NAA16: variants seen among roughly 807,000 people sequenced by gnomAD.
NAA16 encodes NARG1-like protein.
In NAA16, 97 loss-of-function variants were observed where a neutral mutation model predicts 110.3. The ratio of observed to expected loss-of-function variants is 0.88; its 90% CI spans 0.75 to 1.04. The LOEUF (loss-of-function observed/expected upper bound fraction) is 1.04, where lower values mean the gene tolerates loss of function less well. NAA16 is among the 50% of genes least tolerant of loss of function. NAA16 has a pLI of 0.00. For missense variants in NAA16, 1,017 were observed against 1,005.1 expected, an observed-to-expected ratio of 1.01 and a Z score of -0.16; for synonymous variants, 372 against 330.6, an observed-to-expected ratio of 1.13 and a Z score of -1.36.
chr13:41,335,495 A>G (rs2042356250), intron 8 of NAA16, among the ~76,000 whole-genome samples: 1 of 152,210 alleles, frequency 6.6e-6, no homozygotes, highest in African/African-American at 2.4e-5. Flanking sequence ...ATTACTGGAA[A>G]GGTTCGGTCT....
chr13:41,374,610 G>T (rs902137191), intron 18 of NAA16, 132 bp from the exon 19 acceptor site: 2 of 588,436 alleles, frequency 3.4e-6, no homozygotes, highest in Non-Finnish European at 6.0e-6. Flanking sequence ...GCTCTCTTGA[G>T]CTGGTAGGAG....
chr13:41,358,278 ATAATT>A lies in NAA16; in HGVS notation c.1088-21_1088-17del, dbSNP rs745372812. The A allele has an allele frequency of 1.0e-4, 165 of 1,580,994 alleles. 4 individuals carry two copies. In the South Asian group the frequency reaches 1.8e-3, roughly 18 times the overall value. On this transcript the variant is annotated intron_variant, in intron 10 of 19. Transcript: ENST00000379406. ...TGATTTGCTTTACATTCTTTCTATA[ATAATT>A]TAATATTTGTTTGATTGCAGAGAAT...
intron 4 of NAA16, 134 bp from the exon 5 acceptor site, chr13:41,322,922 T>A: frequency 1.2e-6 from 1 of 825,500 alleles, no homozygotes; most frequent in Non-Finnish European, 2.0e-6. Flanking sequence ...ACATAAAAAG[T>A]ACTTCTATTT....
At chr13:41,315,002 A>T (rs2041770390) in intron 1 of NAA16, among the ~76,000 whole-genome samples, 1 of 152,156 alleles carries the variant, frequency 6.6e-6, no homozygotes, top group Non-Finnish European at 1.5e-5. Context: ...TAAAAAATAA[A>T]TAAGAAAGAT....
chr13:41,322,383 A>G (rs1387292824), intron 4 of NAA16, among the ~76,000 whole-genome samples: 1 of 152,164 alleles, frequency 6.6e-6, no homozygotes, highest in African/African-American at 2.4e-5. Context: ...GGTGGCAGTA[A>G]CTTCTAGGGT....
chr13:41,372,545 A>T (rs1006775456), intron 16 of NAA16, 187 bp from the exon 17 acceptor site: 1 of 985,272 alleles, frequency 1.0e-6, no homozygotes, highest in African/African-American at 1.7e-5. Context: ...AGCAATTTTT[A>T]TGATTTTTCA....
chr13:41,322,739 A>G (rs78664301), intron 4 of NAA16, among the ~76,000 whole-genome samples: 1 of 152,214 alleles, frequency 6.6e-6, no homozygotes, highest in East Asian at 1.9e-4. Flanking sequence ...AGTTTAATAA[A>G]AAACCATCTT....
intron 12 of NAA16, 54 bp downstream of exon 12, chr13:41,359,016 AGTTT>A (rs1792152166): frequency 6.9e-7 from 1 of 1,448,488 alleles, no homozygotes. Flanking sequence ...CAGTTTGTGA[AGTTT>A]GTCTAAATTA....
At chr13:41,359,040 G>A (rs1340080066) in intron 12 of NAA16, 78 bp downstream of exon 12, 3 of 1,254,550 alleles carry the variant, frequency 2.4e-6, no homozygotes, top group Non-Finnish European at 2.2e-6. Flanking sequence ...AAGACAGTTT[G>A]TGAAGAACTT....
rs901536418 is a variant in NAA16 at position 41,374,837 on chromosome 13, A to G, written c.2395A>G (p.Lys799Glu). 4.4e-6 allele frequency: 7 copies of G among 1,594,964 alleles called. No individual in the cohort carries two copies. Among genetic ancestry groups the G allele is most frequent in the Non-Finnish European group, 6.0e-6 (7 of 1,168,040 alleles). The change falls in exon 19 of 20, where the codon AAG becomes GAG. Residue 799 changes from lysine (K) to glutamate (E), a missense_variant and splice_region_variant. Physicochemically the swap from Lys to Glu is moderately conservative, Grantham distance 56. Coordinates refer to ENST00000379406, the MANE Select transcript of NAA16 (RefSeq NM_024561.5). ...LDETIKDKDVKTLIKVSEALL... is the reference protein window; with the variant it reads ...LDETIKDKDVETLIKVSEALL... ...TGAAACTATAAAAGATAAAGATGTA[A>G]AGGTAAGTTTTTTTTCTTTGGCTGA...
chr13:41,351,561 A>G (rs936333785), intron 9 of NAA16, among the ~76,000 whole-genome samples: 5 of 152,190 alleles, frequency 3.3e-5, no homozygotes, highest in African/African-American at 7.2e-5. Context: ...TTTGTCTTTA[A>G]GGTTAATGAA....
At chr13:41,362,411 A>G (rs372710127) in intron 13 of NAA16, 69 of 381,678 alleles carry the variant, frequency 1.8e-4, no homozygotes, top group African/African-American at 1.3e-3. Flanking sequence ...AATTATTGCT[A>G]TTAACATAAA....
At chr13:41,349,463 C>T (rs915500365) in intron 9 of NAA16, among the ~76,000 whole-genome samples, 16 of 137,676 alleles carry the variant, frequency 1.2e-4, no homozygotes, top group African/African-American at 2.8e-4. Context: ...ATTATGGGCA[C>T]GAGCCACTGT....
chr13:41,318,682 T>A, intron 2 of NAA16, 124 bp from the exon 3 acceptor site: 1 of 423,344 alleles, frequency 2.4e-6, no homozygotes, highest in Non-Finnish European at 4.1e-6. Flanking sequence ...GTTCAAACTG[T>A]GAGATTAAAA....
chr13:41,324,664 G>C (rs6560976), intron 5 of NAA16, among the ~76,000 whole-genome samples: 5 of 151,006 alleles, frequency 3.3e-5, no homozygotes, highest in Non-Finnish European at 7.4e-5. Context: ...GTGAGCCACC[G>C]TGCCCGGCCA....
intron 4 of NAA16, among the ~76,000 whole-genome samples, 185 bp downstream of exon 4, chr13:41,321,009 A>G (rs1219655032): frequency 6.6e-6 from 1 of 152,248 alleles, no homozygotes; most frequent in Non-Finnish European, 1.5e-5. Context: ...GTATTCAAAA[A>G]GAATAACTGG....
chr13:41,344,483 G>GT (rs1782548609), intron 9 of NAA16, among the ~76,000 whole-genome samples: 1 of 152,178 alleles, frequency 6.6e-6, no homozygotes, highest in Non-Finnish European at 1.5e-5. Flanking sequence ...GTCTGGAGAG[G>GT]TTTTTGATTG....
At position 41,373,760 on chromosome 13, in the gene NAA16, C is replaced by G. The variant is rs1566306181; in HGVS notation, c.2279C>G (p.Ser760Cys). ...GATTTTCTGAAACGTAACGCTACCT[C>G]TCTTCAGCATCTACTTTCAGGTTTG... ...NEDFLKRNAT[S>C]LQHLLSGAKM... is the part of the protein sequence containing the mutation. Residue 760 changes from serine (S) to cysteine (C), a missense_variant, in exon 18 of 20, where the codon TCT (serine) becomes TGT (cysteine). Ser to Cys is a moderately radical substitution (Grantham distance 112). Transcript: ENST00000379406. 2.5e-6 allele frequency: 4 copies of G among 1,604,786 alleles called. No individual in the cohort carries two copies. The highest frequency in any genetic ancestry group is 2.3e-5 in the South Asian group (2 of 88,728).
chr13:41,311,361 C>T lies in NAA16; in HGVS notation c.-168C>T. On this transcript the variant is annotated 5_prime_UTR_variant, in exon 1 of 20. Coordinates refer to ENST00000379406, the MANE Select transcript of NAA16 (RefSeq NM_024561.5). Reference sequence around the variant, plus strand: ...AGACCGCCTTCCTTCTCCATTGCCACCCGTGCCGAACAGCCAGGCTGCCCA... The same window carrying T: ...AGACCGCCTTCCTTCTCCATTGCCATCCGTGCCGAACAGCCAGGCTGCCCA... 1.6e-6 allele frequency: 1 copy of T among 630,918 alleles called. No homozygotes were observed. The highest frequency in any genetic ancestry group is 2.8e-6 in the Non-Finnish European group (1 of 363,082). 39.1% of individuals were successfully genotyped at this position (630,918 alleles called of 1,614,324 possible). A position where few individuals can be genotyped will look rare whatever the true frequency, so the allele number is the denominator to read the frequency against.
Sources: allele counts gnomAD v4.1 joint callset (sites outside exome capture counted in the v4.1 genomes callset), GRCh38; gene constraint gnomAD v4.1.1; transcripts MANE v1.5; gene names NCBI Gene and HGNC (gene_info 2026-07-23, HGNC 2026-07-21).